The following MAP1S variants were observed in gnomAD, a reference collection of about 807,000 sequenced individuals.
MAP1S encodes microtubule associated protein 1S, also known as microtubule-associated protein 1S.
In MAP1S, 27 loss-of-function variants were observed where a neutral mutation model predicts 60.9. The observed-to-expected ratio is 0.44, with a 90% CI of 0.33 to 0.61. The LOEUF is 0.61. MAP1S is among the 20% of genes least tolerant of loss of function. The probability of loss-of-function intolerance (pLI) is 0.03; values close to 1 mark genes in which losing one functional copy is unlikely to be tolerated. For synonymous variants in MAP1S, 826 were observed against 694.2 expected (o/e 1.19, Z -2.98); for missense variants, 1,608 against 1,486.6 (o/e 1.08, Z -1.34).
intron 2 of MAP1S, 103 bp downstream of exon 2, chr19:17,721,140 A>G: frequency 1.1e-6 from 1 of 909,678 alleles, no homozygotes; most frequent in Non-Finnish European, 1.8e-6. Context: ...AAATAACAAC[A>G]GTAATAATAC....
At position 17,726,415 on chromosome 19, in the gene MAP1S, C is replaced by T. The variant is rs536279711; in HGVS notation, c.1031C>T (p.Ala344Val). 26 of 1,573,000 alleles carry T rather than the reference C, an allele frequency of 1.7e-5. No individual in the cohort carries two copies. In the African/African-American group the frequency reaches 3.2e-4, roughly 19 times the overall value. Residue 344 changes from alanine (A) to valine (V), a missense_variant, in exon 5 of 7, where the codon GCC becomes GTC. Physicochemically the swap from Ala to Val is moderately conservative, Grantham distance 64 (BLOSUM62 0). This residue lies in a region of MAP1S where 1,167 missense variants were observed against 961.4 expected (regional missense o/e 1.21). Transcript: ENST00000324096. ...GTCGTGTTCTTCAACGCCTGCGAGG[C>T]CGCGTCGCGGCTGGCGCGCGGCGAG... is the stretch of plus-strand genomic sequence containing the variant. ...LGVVFFNACE[A>V]ASRLARGEDE... is the part of the protein sequence containing the mutation.
In MAP1S at chr19:17,725,818, C is replaced by T. The variant is rs1315637963; in HGVS notation, c.445-11C>T. The T allele has an allele frequency of 6.2e-7, 1 of 1,607,148 alleles. No individual in the cohort carries two copies. Among genetic ancestry groups the T allele is most frequent in the Admixed American group, 1.7e-5 (1 of 59,000 alleles). The stretch of plus-strand genomic sequence containing the variant: ...CTCTAGGTGGTCCCTTACCACTCCT[C>T]CTCCATACAGATCCGGGACATCCTG... On this transcript the variant is annotated splice_polypyrimidine_tract_variant and intron_variant, in intron 4 of 6. Coordinates refer to ENST00000324096, the MANE Select transcript of MAP1S (RefSeq NM_018174.6). The surrounding 1 kb of genome is among the most constrained non-coding windows in gnomAD (Gnocchi z 4.2).
intron 1 of MAP1S, chr19:17,720,476 G>A: frequency 6.5e-7 from 1 of 1,528,750 alleles, no homozygotes; most frequent in South Asian, 1.2e-5. Flanking sequence ...GATGGAACAA[G>A]CTTCCAGCTC....
chr19:17,727,557 C>CG lies in MAP1S; in HGVS notation c.2176dup (p.Ala726GlyfsTer19), dbSNP rs1190469350. On this transcript the variant is annotated frameshift_variant, in exon 5 of 7. Coordinates refer to ENST00000324096, the MANE Select transcript of MAP1S (RefSeq NM_018174.6). LOFTEE classifies it high-confidence loss of function. The surrounding 1 kb of genome is among the most constrained non-coding windows in gnomAD (Gnocchi z 4.1). ...GCTGAGCCTCCCGCTGCGTGGCCCCCGGGCGCGGCGCTCGGCTTCCCCACA... is the reference window on the plus strand; with the variant it reads ...GCTGAGCCTCCCGCTGCGTGGCCCCCGGGGCGCGGCGCTCGGCTTCCCCACA... The CG allele has an allele frequency of 6.2e-7, 1 of 1,607,680 alleles. No homozygotes were observed. The highest frequency in any genetic ancestry group is 8.5e-7 in the Non-Finnish European group (1 of 1,179,320).
chr19:17,728,571 T>C (rs1723341833), intron 5 of MAP1S, among the ~76,000 whole-genome samples: 1 of 152,058 alleles, frequency 6.6e-6, no homozygotes, highest in Non-Finnish European at 1.5e-5. Context: ...TTTTTTTTTT[T>C]TGAGACAGAA....
Sources: allele counts gnomAD v4.1 joint callset (sites outside exome capture counted in the v4.1 genomes callset), GRCh38; gene constraint gnomAD v4.1.1; regional missense constraint gnomAD v4.1.1; non-coding constraint Gnocchi (gnomAD v3.1); transcripts MANE v1.5; gene names NCBI Gene and HGNC (gene_info 2026-07-23, HGNC 2026-07-21).